Variants in TLR8 observed in about 807,000 individuals in gnomAD.
The protein encoded by TLR8 is toll-like receptor 8.
Under a neutral mutation model 18.5 loss-of-function variants are expected in TLR8, and 5 were observed. The ratio of observed to expected loss-of-function variants is 0.27; its 90% CI spans 0.14 to 0.57. The LOEUF (loss-of-function observed/expected upper bound fraction) is 0.57, where lower values mean the gene tolerates loss of function less well. Among genes scored for constraint, TLR8 ranks in the 20% least tolerant of loss-of-function variants. The pLI, the probability that TLR8 is intolerant of heterozygous loss-of-function variation, is 0.92. For synonymous variants in TLR8, 299 were observed against 300.1 expected, an observed-to-expected ratio of 1.00 and a Z score of 0.04; for missense variants, 543 against 769.8, an observed-to-expected ratio of 0.71 and a Z score of 3.49.
rs5744089 is a variant in TLR8 at position 12,922,520 on chromosome X, G to A, written c.*354G>A. On this transcript the variant is annotated 3_prime_UTR_variant, in exon 2 of 2. Coordinates refer to ENST00000218032, the MANE Select transcript of TLR8 (RefSeq NM_138636.5). ...AAGGCAGCTTGCTTCATCAGAGCTAGCAAAAAAGAGAGGTTGCTAGCAAGA... is the reference window on the plus strand; with the variant it reads ...AAGGCAGCTTGCTTCATCAGAGCTAACAAAAAAGAGAGGTTGCTAGCAAGA... The A allele has an allele frequency of 4.0e-3, 636 of 159,990 alleles. 4 individuals are homozygous for A. Among genetic ancestry groups the A allele is most frequent in the African/African-American group, 0.018 (594 of 32,833 alleles). The allele number at this position is 159,990 out of a possible 1,213,427, so 13.2% of individuals were successfully genotyped here. A position where few individuals can be genotyped will look rare whatever the true frequency, so the allele number is the denominator to read the frequency against.
At chrX:12,909,365 C>T (rs1447417103) in intron 1 of TLR8, among the ~76,000 whole-genome samples, 4 of 112,078 alleles carry the variant, frequency 3.6e-5, no homozygotes, top group African/African-American at 1.3e-4. Flanking sequence ...CTTCTTCTTC[C>T]AGTGTGGCCC....
At chrX:12,907,440 T>C (rs906637877) in intron 1 of TLR8, among the ~76,000 whole-genome samples, 1 of 112,513 alleles carries the variant, frequency 8.9e-6, no homozygotes, top group Admixed American at 9.4e-5. Context: ...TTAAGAGCAA[T>C]TGAAAAGTCT....
At chrX:12,911,054 C>T (rs138362730) in intron 1 of TLR8, among the ~76,000 whole-genome samples, 1 of 110,160 alleles carries the variant, frequency 9.1e-6, no homozygotes, top group African/African-American at 3.3e-5. Flanking sequence ...CCACGAAGAC[C>T]CAGTCATCCT....
chrX:12,918,942 C>A, intron 1 of TLR8, 102 bp from the exon 2 acceptor site: 1 of 915,577 alleles, frequency 1.1e-6, no homozygotes, highest in Non-Finnish European at 1.5e-6. Context: ...ATGCACACAT[C>A]AAAATTCATA....
intron 1 of TLR8, among the ~76,000 whole-genome samples, chrX:12,910,600 C>A (rs188081128): frequency 8.9e-6 from 1 of 112,406 alleles, no homozygotes; most frequent in South Asian, 3.7e-4. Flanking sequence ...CCCCTTCAGG[C>A]GAATTCTGGG....
At chrX:12,917,298 G>A (rs2043062166) in intron 1 of TLR8, among the ~76,000 whole-genome samples, 1 of 112,236 alleles carries the variant, frequency 8.9e-6, no homozygotes, top group Non-Finnish European at 1.9e-5. Flanking sequence ...GAACATGTCT[G>A]GGAGTTCTGC....
chrX:12,914,908 G>T (rs2043044418), intron 1 of TLR8, among the ~76,000 whole-genome samples: 1 of 111,400 alleles, frequency 9.0e-6, no homozygotes, highest in African/African-American at 3.3e-5. Context: ...GGAGGAAAAA[G>T]TTCTATTGAA....
chrX:12,915,743 A>C (rs1001395926), intron 1 of TLR8, among the ~76,000 whole-genome samples: 1 of 112,490 alleles, frequency 8.9e-6, no homozygotes, highest in African/African-American at 3.2e-5. Flanking sequence ...CTCTGGAGGT[A>C]CAGCCTGGGA....
In TLR8 at chrX:12,921,176, T is replaced by C. The variant is rs1346324918; in HGVS notation, c.2136T>C (p.Ser712=). The change falls in exon 2 of 2, where the codon TCT becomes TCC. Residue 712 remains serine (S), a synonymous_variant. Coordinates refer to ENST00000218032, the MANE Select transcript of TLR8 (RefSeq NM_138636.5). The part of the protein sequence containing the change: ...FLTDSLSDFT[S]SLRTLLLSHN... ...CTGATAGCCTATCTGACTTTACATCTTCCCTTCGGACACTGCTGCTGAGTC... is the reference window on the plus strand; with the variant it reads ...CTGATAGCCTATCTGACTTTACATCCTCCCTTCGGACACTGCTGCTGAGTC... The C allele has an allele frequency of 3.3e-6, 4 of 1,211,932 alleles. No individual in the cohort carries two copies. In the Admixed American group the frequency reaches 8.7e-5, roughly 26 times the overall value.
In TLR8 at chrX:12,921,631, T is replaced by C. The variant is rs1239380630; in HGVS notation, c.2591T>C (p.Leu864Ser). 2.5e-6 allele frequency: 3 copies of C among 1,211,779 alleles called. No homozygotes were observed. Among genetic ancestry groups the C allele is most frequent in the Admixed American group, 4.3e-5 (2 of 46,055 alleles). The change falls in exon 2 of 2, where the codon TTA (leucine) becomes TCA (serine). Residue 864 changes from leucine to serine, a missense_variant. Physicochemically the swap from Leu to Ser is moderately radical, Grantham distance 145. Around this residue, in one of 4 missense-constraint regions of TLR8, gnomAD observed 227 missense variants for 312.9 expected, o/e 0.73. Transcript: ENST00000218032. ...WDVWFIYNVC[L>S]AKVKGYRSLS... ...GTTTGGTTTATATATAATGTGTGTT[T>C]AGCTAAGGTAAAAGGCTACAGGTCT...
At chrX:12,908,197 C>T (rs1279968436) in intron 1 of TLR8, 1 of 111,005 alleles carries the variant, frequency 9.0e-6, no homozygotes, top group Non-Finnish European at 1.9e-5. Flanking sequence ...AAAAATTAGC[C>T]AGGTGTGGTG....
rs5744080 is a variant in TLR8, at chrX:12,919,685, C to G, written c.645C>G (p.His215Gln). 5 of 1,207,509 alleles carry G rather than the reference C, an allele frequency of 4.1e-6. No individual in the cohort carries two copies. The highest frequency in any genetic ancestry group is 5.6e-6 in the Non-Finnish European group (5 of 894,247). The change falls in exon 2 of 2, where the codon CAC (histidine) becomes CAG (glutamine). Residue 215 changes from histidine (H) to glutamine (Q), a missense_variant. By Grantham distance (24) the His-to-Gln change is conservative. Coordinates refer to ENST00000218032, the MANE Select transcript of TLR8 (RefSeq NM_138636.5). ...CACTATCTTTCAATTCTCTTTCACA[C>G]GTGCCACCCAAACTGCCAAGCTCCC... ...LLSLSFNSLS[H>Q]VPPKLPSSLR...
chrX:12,912,377 A>T (rs1195131452), intron 1 of TLR8, among the ~76,000 whole-genome samples: 1 of 113,158 alleles, frequency 8.8e-6, no homozygotes, highest in Non-Finnish European at 1.9e-5. Flanking sequence ...CAGAAGGTGC[A>T]GCTCTTGCTG....
At position 12,921,163 on chromosome X, in the gene TLR8, C is replaced by A; in HGVS notation, c.2123C>A (p.Ser708Tyr). 2.6e-5 allele frequency: 32 copies of A among 1,211,941 alleles called. No individual in the cohort carries two copies. Among genetic ancestry groups the A allele is most frequent in the Non-Finnish European group, 3.6e-5 (32 of 895,513 alleles). ...CTACTCTTTTTAACTGATAGCCTAT[C>A]TGACTTTACATCTTCCCTTCGGACA... Reference protein sequence around the residue: ...NKLLFLTDSLSDFTSSLRTLL... With the variant: ...NKLLFLTDSLYDFTSSLRTLL... The change falls in exon 2 of 2, where the codon TCT becomes TAT. Residue 708 changes from serine (S) to tyrosine (Y), a missense_variant. Ser to Tyr is a moderately radical substitution (Grantham distance 144). This residue lies in a region of TLR8 where 227 missense variants were observed against 312.9 expected (regional missense o/e 0.73). Transcript: ENST00000218032.
At chrX:12,917,661 T>C (rs753281682) in intron 1 of TLR8, among the ~76,000 whole-genome samples, 70 of 112,193 alleles carry the variant, frequency 6.2e-4, no homozygotes, top group Middle Eastern at 4.7e-3. Context: ...AAGTGATATA[T>C]TCAGCCCTCT....
At chrX:12,913,593 A>G (rs1295374883) in intron 1 of TLR8, among the ~76,000 whole-genome samples, 1 of 112,545 alleles carries the variant, frequency 8.9e-6, no homozygotes, top group African/African-American at 3.2e-5. Flanking sequence ...CCAGACTACT[A>G]CTCATAGGCA....
rs5744084 is a variant in TLR8 at position 12,921,827 on chromosome X, C to A, written c.2787C>A (p.Ile929=). ...ATTGGGACCCGGGATTGGCCATCAT[C>A]GACAACCTCATGCAGAGCATCAACC... ...ERDWDPGLAI[I]DNLMQSINQS... Residue 929 remains isoleucine, a synonymous_variant, in exon 2 of 2, where the codon ATC becomes ATA. Coordinates refer to ENST00000218032, the MANE Select transcript of TLR8 (RefSeq NM_138636.5). 6.3e-3 allele frequency: 7,663 copies of A among 1,209,911 alleles called. 319 individuals carry two copies. The African/African-American group carries it at 0.12, about 18-fold the overall frequency.
intron 1 of TLR8, chrX:12,908,232 T>C (rs1240211235): frequency 1.8e-5 from 2 of 111,176 alleles, no homozygotes; most frequent in African/African-American, 6.6e-5. Flanking sequence ...TCCCAGCTAC[T>C]CAGGAGGCTG....
At chrX:12,910,171 G>A (rs1019378321) in intron 1 of TLR8, 150 of 488,556 alleles carry the variant, frequency 3.1e-4, no homozygotes, top group South Asian at 4.8e-4. Flanking sequence ...TGTTAACTGC[G>A]AATGAATCAG....
Sources: allele counts gnomAD v4.1 joint callset (sites outside exome capture counted in the v4.1 genomes callset), GRCh38; gene constraint gnomAD v4.1.1; regional missense constraint gnomAD v4.1.1; transcripts MANE v1.5; gene names NCBI Gene and HGNC (gene_info 2026-07-23, HGNC 2026-07-21).